The following NELL1 variants were observed in gnomAD, a reference collection of about 807,000 sequenced individuals.
NELL1 encodes protein kinase C-binding protein NELL1.
In NELL1, 76 loss-of-function variants were observed where a neutral mutation model predicts 107.4. The ratio of observed to expected loss-of-function variants is 0.71; its 90% CI spans 0.59 to 0.86. NELL1 has a LOEUF of 0.86. Ranked by LOEUF, NELL1 falls within the 40% of genes least tolerant of loss-of-function variation. The probability of loss-of-function intolerance (pLI) is 0.00; values close to 1 mark genes in which losing one functional copy is unlikely to be tolerated. For missense variants in NELL1, 1,024 were observed against 1,005.5 expected, an observed-to-expected ratio of 1.02 and a Z score of -0.25; for synonymous variants, 353 against 341.2, an observed-to-expected ratio of 1.03 and a Z score of -0.38.
At chr11:21,348,277 A>G (rs573293842) in intron 14 of NELL1, among the ~76,000 whole-genome samples, 2 of 152,320 alleles carry the variant, frequency 1.3e-5, no homozygotes, top group South Asian at 2.1e-4. Context: ...GGTAGAATAT[A>G]TTAGAACAAA....
chr11:21,426,518 A>T (rs983019195), intron 15 of NELL1, among the ~76,000 whole-genome samples: 1 of 152,242 alleles, frequency 6.6e-6, no homozygotes, highest in African/African-American at 2.4e-5. Flanking sequence ...GAGACATACT[A>T]TGACAAATTT....
intron 5 of NELL1, among the ~76,000 whole-genome samples, chr11:20,902,004 A>T (rs1849884958): frequency 6.6e-6 from 1 of 152,142 alleles, no homozygotes; most frequent in African/African-American, 2.4e-5. Flanking sequence ...CATACATAAA[A>T]ATCACTTACA....
At chr11:21,240,940 T>TCA (rs1858341569) in intron 14 of NELL1, among the ~76,000 whole-genome samples, 1 of 152,076 alleles carries the variant, frequency 6.6e-6, no homozygotes, top group East Asian at 1.9e-4. Context: ...AGTGGAAATC[T>TCA]GACACTTAGA....
intron 12 of NELL1, among the ~76,000 whole-genome samples, chr11:20,962,334 C>A (rs1434032001): frequency 6.6e-6 from 1 of 152,030 alleles, no homozygotes; most frequent in Non-Finnish European, 1.5e-5. Context: ...ATGGAAAAAT[C>A]CTGTAAGCCA....
At chr11:21,383,145 CTGAA>C (rs1357143572) in intron 15 of NELL1, among the ~76,000 whole-genome samples, 15 of 152,046 alleles carry the variant, frequency 9.9e-5, no homozygotes, top group Middle Eastern at 6.8e-3. Flanking sequence ...GTAGGACTGA[CTGAA>C]TGATCAGAAA....
chr11:20,758,474 C>G (rs1266119051), intron 2 of NELL1, among the ~76,000 whole-genome samples: 1 of 152,156 alleles, frequency 6.6e-6, no homozygotes, highest in African/African-American at 2.4e-5. Flanking sequence ...GTATGCTAAG[C>G]TAAGGAGAGG....
chr11:21,570,739 C>A (rs199980984), intron 17 of NELL1, 25 bp from the exon 18 acceptor site: 4 of 1,604,092 alleles, frequency 2.5e-6, no homozygotes, highest in African/African-American at 1.3e-5. Flanking sequence ...AATGATGAAA[C>A]CTCCTTAACT....
chr11:21,368,066 TCAAAGAAAG>T (rs1851270700), intron 14 of NELL1, among the ~76,000 whole-genome samples: 1 of 152,164 alleles, frequency 6.6e-6, no homozygotes, highest in Non-Finnish European at 1.5e-5. Flanking sequence ...TATTACATAT[TCAAAGAAAG>T]CTTGAATTGA....
chr11:21,341,735 T>A (rs1033264677), intron 14 of NELL1, among the ~76,000 whole-genome samples: 1 of 152,238 alleles, frequency 6.6e-6, no homozygotes, highest in African/African-American at 2.4e-5. Flanking sequence ...AAACTCACTT[T>A]CTTAACTTGT....
chr11:21,218,502 A>G (rs1342150090), intron 13 of NELL1, among the ~76,000 whole-genome samples: 1 of 152,126 alleles, frequency 6.6e-6, no homozygotes, highest in Non-Finnish European at 1.5e-5. Context: ...AAAATTCAAA[A>G]TTCTATTTTC....
chr11:20,861,262 C>T (rs1466882806), intron 4 of NELL1, among the ~76,000 whole-genome samples: 4 of 151,664 alleles, frequency 2.6e-5, no homozygotes, highest in South Asian at 2.1e-4. Context: ...CATTTTTTTT[C>T]TCCATAATGA....
chr11:21,286,379 T>C (rs1304904451), intron 14 of NELL1, among the ~76,000 whole-genome samples: 1 of 152,306 alleles, frequency 6.6e-6, no homozygotes, highest in Admixed American at 6.5e-5. Flanking sequence ...GGGCTGCCAC[T>C]AGCCCAAATG....
intron 2 of NELL1, among the ~76,000 whole-genome samples, chr11:20,680,217 CTG>C (rs1854156651): frequency 6.6e-6 from 1 of 152,090 alleles, no homozygotes; most frequent in Non-Finnish European, 1.5e-5. Flanking sequence ...ATTATAGATT[CTG>C]TCAATTAGCA....
chr11:21,486,258 C>A (rs1854629445), intron 15 of NELL1, among the ~76,000 whole-genome samples: 1 of 152,162 alleles, frequency 6.6e-6, no homozygotes, highest in African/African-American at 2.4e-5. Flanking sequence ...GCTGCCACCA[C>A]AGGGACCCGA....
At chr11:21,170,428 G>C (rs1339766774) in intron 13 of NELL1, among the ~76,000 whole-genome samples, 2 of 151,578 alleles carry the variant, frequency 1.3e-5, no homozygotes, top group Non-Finnish European at 2.9e-5. Flanking sequence ...AATCCAACCA[G>C]GAGTAAAGGC....
At chr11:21,470,306 A>C (rs1038645085) in intron 15 of NELL1, among the ~76,000 whole-genome samples, 3 of 152,094 alleles carry the variant, frequency 2.0e-5, no homozygotes, top group African/African-American at 7.2e-5. Context: ...TCGAGAGAGC[A>C]AAGTCTGATA....
At chr11:20,938,378 CT>C (rs1471782150) in intron 10 of NELL1, among the ~76,000 whole-genome samples, 6 of 152,114 alleles carry the variant, frequency 3.9e-5, no homozygotes, top group African/African-American at 1.2e-4. Context: ...ATAGTAGGTT[CT>C]GGATATACAA....
intron 14 of NELL1, among the ~76,000 whole-genome samples, chr11:21,272,645 G>A (rs1041825615): frequency 6.6e-6 from 1 of 152,208 alleles, no homozygotes; most frequent in Non-Finnish European, 1.5e-5. Flanking sequence ...TAACTGGGAG[G>A]CACCCCCAAG....
intron 13 of NELL1, among the ~76,000 whole-genome samples, chr11:21,132,797 A>AG (rs1029354813): frequency 4.6e-5 from 7 of 151,784 alleles, no homozygotes; most frequent in African/African-American, 1.5e-4. Context: ...GGAGTGTTAG[A>AG]GGGGGTTCAG....
Sources: allele counts gnomAD v4.1 joint callset (sites outside exome capture counted in the v4.1 genomes callset), GRCh38; gene constraint gnomAD v4.1.1; transcripts MANE v1.5; gene names NCBI Gene and HGNC (gene_info 2026-07-23, HGNC 2026-07-21).